The following FAM50A variants were observed in gnomAD, a reference collection of about 807,000 sequenced individuals.
The protein encoded by FAM50A is protein FAM50A.
FAM50A carries 6 observed loss-of-function variants against 35.5 expected under a neutral mutation model. The ratio of observed to expected loss-of-function variants is 0.17; its 90% CI spans 0.09 to 0.33. The LOEUF is 0.33. Ranked by LOEUF, FAM50A falls within the 10% of genes least tolerant of loss-of-function variation. FAM50A has a pLI of 1.00. For missense variants in FAM50A, 145 were observed against 295.5 expected, an observed-to-expected ratio of 0.49 and a Z score of 3.73; for synonymous variants, 120 against 110.9, an observed-to-expected ratio of 1.08 and a Z score of -0.52.
Position 154,448,704 on chromosome X carries a change from G to A in FAM50A, c.534G>A (p.Arg178=). The A allele has an allele frequency of 8.3e-7, 1 of 1,210,366 alleles. No homozygotes were observed. The change falls in exon 6 of 13, where the codon CGG becomes CGA. Residue 178 remains arginine (R), a synonymous_variant. Transcript: ENST00000393600. ...PDRDREEEEN[R]LREELRQEWE... is the part of the protein sequence containing the mutation. The stretch of plus-strand genomic sequence containing the variant: ...CCCTCTCCCAGGAGGAGGAGAATCG[G>A]CTTCGGGAAGAGCTGCGGCAGGAGT...
In FAM50A at chrX:154,450,214, T is replaced by C. The variant is rs2068799886; in HGVS notation, c.906T>C (p.His302=). The change falls in exon 12 of 13, where the codon CAT becomes CAC. Residue 302 remains histidine (H), a synonymous_variant. Coordinates refer to ENST00000393600, the MANE Select transcript of FAM50A (RefSeq NM_004699.4). The part of the protein sequence containing the change: ...SDATVEKDES[H]AGKVVLRSWY... Reference sequence around the variant, plus strand: ...GTGCCCTCTTCCTCCCTTAGTCCCATGCAGGCAAGGTGGTGCTGAGGAGCT... The same window carrying C: ...GTGCCCTCTTCCTCCCTTAGTCCCACGCAGGCAAGGTGGTGCTGAGGAGCT... The C allele has an allele frequency of 8.3e-6, 10 of 1,208,623 alleles. No homozygotes were observed. Among genetic ancestry groups the C allele is most frequent in the African/African-American group, 3.5e-5 (2 of 56,915 alleles).
intron 5 of FAM50A, 47 bp from the exon 6 acceptor site, chrX:154,448,642 AC>A (rs782091164): frequency 8.4e-7 from 1 of 1,187,519 alleles, no homozygotes; most frequent in African/African-American, 1.8e-5. Context: ...CTCTGCGTGC[AC>A]CCTGAGCAGC....
At position 154,449,945 on chromosome X, in the gene FAM50A, A is replaced by G. The variant is rs781958577; in HGVS notation, c.829+14A>G. The G allele has an allele frequency of 3.5e-5, 42 of 1,208,666 alleles. No individual in the cohort carries two copies. The highest frequency in any genetic ancestry group is 4.2e-5 in the Non-Finnish European group (38 of 894,263). On this transcript the variant is annotated intron_variant, in intron 10 of 12. Transcript: ENST00000393600. ...GGGGGAAGAGTGGTGAGTGCCGCCGACCCAGCCGCCCCCATAGCACCTTGC... is the reference window on the plus strand; with the variant it reads ...GGGGGAAGAGTGGTGAGTGCCGCCGGCCCAGCCGCCCCCATAGCACCTTGC...
At chrX:154,446,065 C>T (rs782610296) in intron 3 of FAM50A, among the ~76,000 whole-genome samples, 154 bp downstream of exon 3, 9 of 112,413 alleles carry the variant, frequency 8.0e-5, no homozygotes, top group African/African-American at 1.6e-4. Context: ...TCTCCCGCCT[C>T]CTCGGGTCCA....
At chrX:154,445,419 T>A in intron 1 of FAM50A, 1 of 442,713 alleles carries the variant, frequency 2.3e-6, no homozygotes, top group Non-Finnish European at 4.0e-6. Flanking sequence ...GGACCTGTGA[T>A]CCCCAGCAGG....
At chrX:154,448,336 G>C (rs2068790238) in intron 4 of FAM50A, 148 bp from the exon 5 acceptor site, 4 of 479,572 alleles carry the variant, frequency 8.3e-6, no homozygotes, top group Non-Finnish European at 1.5e-5. Flanking sequence ...CCCAAGTGTT[G>C]GGTTGACAAG....
intron 1 of FAM50A, chrX:154,444,744 C>G (rs1557199603): frequency 8.6e-6 from 1 of 116,325 alleles, no homozygotes; most frequent in Non-Finnish European, 1.8e-5. Flanking sequence ...GGCCTCTGCC[C>G]TGGTCCTATG....
chrX:154,449,430 G>A lies in FAM50A; in HGVS notation c.725+133G>A, dbSNP rs115202723. The stretch of plus-strand genomic sequence containing the variant: ...TGCTGGGCACTCTCCTCCCAAAAGA[G>A]GGGGTCAGGCTCCTCTTCCCTTCCC... On this transcript the variant is annotated intron_variant, in intron 8 of 12. Coordinates refer to ENST00000393600, the MANE Select transcript of FAM50A (RefSeq NM_004699.4). 0.023 allele frequency: 13,076 copies of A among 563,324 alleles called. 1,145 individuals are homozygous for A. In the African/African-American group the frequency reaches 0.26, roughly 11 times the overall value. 46.4% of individuals were successfully genotyped at this position (563,324 alleles called of 1,213,427 possible). A position where few individuals can be genotyped will look rare whatever the true frequency, so the allele number is the denominator to read the frequency against.
Position 154,450,426 on chromosome X carries a change from C to T in FAM50A, c.1014C>T (p.Ile338=), listed in dbSNP as rs781924678. 8.3e-7 allele frequency: 1 copy of T among 1,211,002 alleles called. No individual in the cohort carries two copies. The highest frequency in any genetic ancestry group is 1.1e-6 in the Non-Finnish European group (1 of 895,041). The change falls in exon 13 of 13, where the codon ATC becomes ATT. Residue 338 remains isoleucine, a splice_region_variant and synonymous_variant. Transcript: ENST00000393600. ...DPEKKWDKYT[I]R ...TGCCCACCTTGTCCTCACACTAGAT[C>T]CGCTGAGCATCCAGGAGGCTGCGCG...
At chrX:154,445,993 G>C (rs2068781084) in intron 3 of FAM50A, 82 bp downstream of exon 3, 1 of 719,051 alleles carries the variant, frequency 1.4e-6, no homozygotes, top group Non-Finnish European at 2.1e-6. Context: ...TTGCACCCTG[G>C]GGGGGACCCT....
chrX:154,445,882 C>T lies in FAM50A; in HGVS notation c.267C>T (p.Ala89=). Residue 89 remains alanine, a synonymous_variant, in exon 3 of 13, where the codon GCC becomes GCT. Transcript: ENST00000393600. ...ALVKEREKQL[A]KKEQSKELQM... is the part of the protein sequence containing the mutation. ...TGAAGGAGCGGGAGAAGCAGCTGGC[C>T]AAGAAGGAGCAGTCCAAGGAGCTGC... The T allele has an allele frequency of 8.3e-7, 1 of 1,208,547 alleles. No individual in the cohort carries two copies. Among genetic ancestry groups the T allele is most frequent in the East Asian group, 3.0e-5 (1 of 33,819 alleles).
At position 154,449,011 on chromosome X, in the gene FAM50A, C is replaced by T. The variant is rs886191955; in HGVS notation, c.648+57C>T. The T allele has an allele frequency of 3.8e-5, 41 of 1,087,482 alleles. No individual in the cohort carries two copies. The East Asian group carries it at 8.5e-4, about 22-fold the overall frequency. 89.6% of individuals were successfully genotyped at this position (1,087,482 alleles called of 1,213,427 possible). On this transcript the variant is annotated intron_variant, in intron 7 of 12. Coordinates refer to ENST00000393600, the MANE Select transcript of FAM50A (RefSeq NM_004699.4). ...CATGGGCCCAGCCTCCCTCAGGTTC[C>T]GTGGGAAGGAACTGACCTTCCTGAC...
intron 4 of FAM50A, 36 bp downstream of exon 4, chrX:154,446,596 C>A: frequency 9.0e-7 from 1 of 1,116,656 alleles, no homozygotes; most frequent in Admixed American, 3.1e-5. Flanking sequence ...CCGCCCGCAG[C>A]CCCTGGGGAG....
In FAM50A at chrX:154,448,560, G is replaced by T; in HGVS notation, c.519G>T (p.Glu173Asp). The part of the protein sequence containing the change: ...DTSFLPDRDR[E>D]EEENRLREEL... The stretch of plus-strand genomic sequence containing the variant: ...GCTTCTTGCCTGATCGAGACCGTGA[G>T]GTAAAGGCTGCCTGGCCCTGACCCC... The change falls in exon 5 of 13, where the codon GAG (glutamate) becomes GAT (aspartate). Residue 173 changes from glutamate to aspartate, a missense_variant and splice_region_variant. Around this residue, in one of 5 missense-constraint regions of FAM50A, gnomAD observed 59 missense variants for 164.5 expected, o/e 0.36. Coordinates refer to ENST00000393600, the MANE Select transcript of FAM50A (RefSeq NM_004699.4). 1 of 1,206,686 alleles carries T rather than the reference G, an allele frequency of 8.3e-7. No homozygotes were observed.
At chrX:154,449,621 C>T in intron 8 of FAM50A, 60 bp from the exon 9 acceptor site, 1 of 1,068,521 alleles carries the variant, frequency 9.4e-7, no homozygotes, top group Non-Finnish European at 1.3e-6. Flanking sequence ...TGGCTGTCTC[C>T]TCCCTCCCTG....
At chrX:154,448,443 T>C in intron 4 of FAM50A, 41 bp from the exon 5 acceptor site, 2 of 1,136,172 alleles carry the variant, frequency 1.8e-6, no homozygotes, top group Non-Finnish European at 2.4e-6. Flanking sequence ...CAAAATCATT[T>C]TTATAATAAT....
At chrX:154,447,887 G>A (rs1320233171) in intron 4 of FAM50A, among the ~76,000 whole-genome samples, 1 of 110,421 alleles carries the variant, frequency 9.1e-6, no homozygotes, top group Non-Finnish European at 1.9e-5. Flanking sequence ...GGGAAAGGTT[G>A]TCACCCTCAC....
chrX:154,445,765 C>T lies in FAM50A; in HGVS notation c.197-47C>T, dbSNP rs200076498. 56 of 1,187,842 alleles carry T rather than the reference C, an allele frequency of 4.7e-5. No homozygotes were observed. In the Admixed American group the frequency reaches 7.6e-4, roughly 16 times the overall value. ...TCACCCGGGCCCCGGGCCACTCTTC[C>T]GCTGGCCCTGCGACTACCTTGCCCC... On this transcript the variant is annotated intron_variant, in intron 2 of 12. Coordinates refer to ENST00000393600, the MANE Select transcript of FAM50A (RefSeq NM_004699.4).
chrX:154,445,741 C>T lies in FAM50A; in HGVS notation c.196+24C>T, dbSNP rs2068779818. On this transcript the variant is annotated intron_variant, in intron 2 of 12. Coordinates refer to ENST00000393600, the MANE Select transcript of FAM50A (RefSeq NM_004699.4). ...GGGTGAGCAGGGTGCGGGTGCCCCT[C>T]ACCCGGGCCCCGGGCCACTCTTCCG... 2.5e-6 allele frequency: 3 copies of T among 1,193,447 alleles called. No homozygotes were observed. In the African/African-American group the frequency reaches 5.2e-5, roughly 21 times the overall value.
Sources: allele counts gnomAD v4.1 joint callset (sites outside exome capture counted in the v4.1 genomes callset), GRCh38; gene constraint gnomAD v4.1.1; regional missense constraint gnomAD v4.1.1; transcripts MANE v1.5; gene names NCBI Gene and HGNC (gene_info 2026-07-23, HGNC 2026-07-21).